Variants in DPP10 observed in about 807,000 individuals in gnomAD.
DPP10 encodes dipeptidyl peptidase like 10.
Under a neutral mutation model 120.9 loss-of-function variants are expected in DPP10, and 33 were observed. That is an observed-to-expected ratio of 0.27 (90% CI 0.21 to 0.37). DPP10 has a LOEUF of 0.37. DPP10 is among the 10% of genes least tolerant of loss of function. The pLI, the probability that DPP10 is intolerant of heterozygous loss-of-function variation, is 1.00. For missense variants in DPP10, 816 were observed against 942.8 expected (o/e 0.87, Z 1.76); for synonymous variants, 337 against 326.1 (o/e 1.03, Z -0.36).
chr2:115,666,969 G>A (rs889554652), intron 5 of DPP10, among the ~76,000 whole-genome samples: 24 of 151,980 alleles, frequency 1.6e-4, no homozygotes, highest in African/African-American at 5.6e-4. Context: ...TGAGATGACT[G>A]GAAGAAGGTA....
chr2:114,598,588 AC>A (rs1312295454), intron 1 of DPP10, among the ~76,000 whole-genome samples: 1 of 151,842 alleles, frequency 6.6e-6, no homozygotes, highest in Non-Finnish European at 1.5e-5. Context: ...AAGGAGGGAA[AC>A]CAGGGAAATA....
intron 3 of DPP10, among the ~76,000 whole-genome samples, chr2:115,481,611 C>G (rs1312456927): frequency 6.6e-6 from 1 of 152,004 alleles, no homozygotes; most frequent in Non-Finnish European, 1.5e-5. Flanking sequence ...TCCAGCTCTA[C>G]AAAACATTTT....
intron 1 of DPP10, among the ~76,000 whole-genome samples, chr2:114,829,993 C>T (rs1686943198): frequency 6.6e-6 from 1 of 152,014 alleles, no homozygotes; most frequent in African/African-American, 2.4e-5. Flanking sequence ...GCTCTGCTGC[C>T]CTGGGCCTAC....
chr2:114,844,240 G>C (rs147902453), intron 1 of DPP10, among the ~76,000 whole-genome samples: 1 of 152,066 alleles, frequency 6.6e-6, no homozygotes, highest in Non-Finnish European at 1.5e-5. Context: ...TATTCTTCAC[G>C]CTTGATGTGT....
intron 7 of DPP10, among the ~76,000 whole-genome samples, chr2:115,699,696 C>A: frequency 6.6e-6 from 1 of 152,334 alleles, no homozygotes; most frequent in Admixed American, 6.5e-5. Flanking sequence ...TATCTGCCAG[C>A]ATTATCCTGA....
intron 5 of DPP10, among the ~76,000 whole-genome samples, chr2:115,680,856 A>C (rs1203693163): frequency 1.1e-4 from 17 of 151,966 alleles, no homozygotes; most frequent in Non-Finnish European, 2.1e-4. Context: ...ATCAATAAGA[A>C]AAAGATGAAT....
intron 9 of DPP10, among the ~76,000 whole-genome samples, chr2:115,742,968 C>G (rs1677479379): frequency 1.3e-5 from 2 of 151,568 alleles, no homozygotes; most frequent in South Asian, 4.2e-4. Flanking sequence ...AAAACAGATG[C>G]ACGGTTCTAT....
intron 1 of DPP10, among the ~76,000 whole-genome samples, chr2:115,101,148 T>C (rs114453321): frequency 5.1e-4 from 78 of 152,278 alleles, no homozygotes; most frequent in African/African-American, 1.9e-3. Context: ...ATGGATGACA[T>C]GGAGTCTGGG....
At chr2:114,550,318 T>C (rs1687781188) in intron 1 of DPP10, among the ~76,000 whole-genome samples, 1 of 152,216 alleles carries the variant, frequency 6.6e-6, no homozygotes, top group African/African-American at 2.4e-5. Flanking sequence ...CATTACATAT[T>C]TGCCAGGCAC....
At chr2:115,468,619 A>G in intron 3 of DPP10, 1 of 384,682 alleles carries the variant, frequency 2.6e-6, no homozygotes, top group Non-Finnish European at 5.1e-6. Context: ...ACCATCTCCC[A>G]TGAACATCCA....
rs747223682 is a variant in DPP10, at chr2:115,238,579, G to A, written c.61-70660G>A. 1.2e-4 allele frequency among the ~76,000 whole-genome samples: 18 copies of A among 152,160 alleles called. No homozygotes were observed. In the South Asian group the frequency reaches 1.2e-3, roughly 11 times the overall value. On this transcript the variant is annotated intron_variant, in intron 1 of 25. Coordinates refer to ENST00000410059, the MANE Select transcript of DPP10 (RefSeq NM_020868.6). ...TGAAGGAATTAGCTGCAGAGGTGGT[G>A]GAAATAAAAAGATAACTAAAATTAG...
intron 1 of DPP10, among the ~76,000 whole-genome samples, chr2:114,718,420 A>G (rs1046221478): frequency 1.1e-4 from 17 of 150,402 alleles, no homozygotes; most frequent in African/African-American, 4.2e-4. Context: ...AAAAAAAAAA[A>G]AAAAATTAGT....
intron 1 of DPP10, among the ~76,000 whole-genome samples, chr2:114,659,703 A>T (rs1697248992): frequency 6.6e-6 from 1 of 152,180 alleles, no homozygotes; most frequent in Admixed American, 6.5e-5. Context: ...GGTACCTCTG[A>T]ATGTAATCTT....
At chr2:114,556,923 T>G (rs576616833) in intron 1 of DPP10, among the ~76,000 whole-genome samples, 1 of 151,350 alleles carries the variant, frequency 6.6e-6, no homozygotes. Context: ...AAGAGTGTGG[T>G]GGAGGACCAA....
chr2:114,767,862 TG>T (rs1191691608), intron 1 of DPP10, among the ~76,000 whole-genome samples: 1 of 152,228 alleles, frequency 6.6e-6, no homozygotes, highest in Admixed American at 6.5e-5. Context: ...GGCTCATGCC[TG>T]TAATCCCAAC....
rs138982191 is a variant in DPP10 at position 114,984,840 on chromosome 2, G to T, written c.61-324399G>T. Among the ~76,000 whole-genome samples the T allele has an allele frequency of 3.9e-5, 6 of 152,086 alleles. No individual in the cohort carries two copies. The South Asian group carries it at 1.2e-3, about 32-fold the overall frequency. Reference sequence around the variant, plus strand: ...TTTGCCATTGCCATGACTCCTGCCCGCTATTCCAATCTGTGGTCCTCTCTT... The same window carrying T: ...TTTGCCATTGCCATGACTCCTGCCCTCTATTCCAATCTGTGGTCCTCTCTT... On this transcript the variant is annotated intron_variant, in intron 1 of 25. Coordinates refer to ENST00000410059, the MANE Select transcript of DPP10 (RefSeq NM_020868.6).
intron 5 of DPP10, among the ~76,000 whole-genome samples, chr2:115,621,834 C>T (rs934024576): frequency 1.6e-4 from 25 of 152,126 alleles, no homozygotes; most frequent in Admixed American, 6.5e-4. Flanking sequence ...CCTGCCACCA[C>T]GCCTGGCTAA....
chr2:114,564,179 TAATTTTATG>T (rs2104964571), intron 1 of DPP10, among the ~76,000 whole-genome samples: 1 of 152,300 alleles, frequency 6.6e-6, no homozygotes, highest in East Asian at 1.9e-4. Context: ...ATGGGAGGTG[TAATTTTATG>T]AATACTTCTT....
chr2:115,402,432 A>C (rs2068138022), intron 3 of DPP10, among the ~76,000 whole-genome samples: 1 of 152,164 alleles, frequency 6.6e-6, no homozygotes, highest in South Asian at 2.1e-4. Flanking sequence ...TTATTCAGTA[A>C]ACAAATCAGA....
Sources: allele counts gnomAD v4.1 joint callset (sites outside exome capture counted in the v4.1 genomes callset), GRCh38; gene constraint gnomAD v4.1.1; transcripts MANE v1.5; gene names NCBI Gene and HGNC (gene_info 2026-07-23, HGNC 2026-07-21).